The following GNA14 variants were observed in gnomAD, a reference collection of about 807,000 sequenced individuals.
The protein encoded by GNA14 is guanine nucleotide-binding protein subunit alpha-14.
A neutral mutation model predicts 42.0 loss-of-function variants in GNA14; 50 were observed. The observed-to-expected ratio is 1.19, with a 90% CI of 0.95 to 1.51. The LOEUF is 1.51. GNA14 is among the 40% of genes most tolerant of loss of function. The pLI is 0.00. For synonymous variants in GNA14, 173 were observed against 163.1 expected, an observed-to-expected ratio of 1.06 and a Z score of -0.46; for missense variants, 473 against 446.2, an observed-to-expected ratio of 1.06 and a Z score of -0.54.
At chr9:77,640,871 CAAAAAAAAAAAA>C (rs1178043976) in intron 1 of GNA14, among the ~76,000 whole-genome samples, 1 of 27,370 alleles carries the variant, frequency 3.7e-5, no homozygotes, top group Non-Finnish European at 7.6e-5. Flanking sequence ...ATAAAATGCT[CAAAAAAAAAAAA>C]AAAAAAAAAC....
At chr9:77,581,535 A>T (rs1435761602) in intron 1 of GNA14, among the ~76,000 whole-genome samples, 2 of 152,220 alleles carry the variant, frequency 1.3e-5, no homozygotes, top group Non-Finnish European at 2.9e-5. Context: ...CTGGATTCAG[A>T]TCCAAGTCCG....
intron 4 of GNA14, 148 bp downstream of exon 4, chr9:77,431,173 C>A (rs1835545944): frequency 1.5e-6 from 1 of 686,230 alleles, no homozygotes; most frequent in Admixed American, 2.7e-5. Flanking sequence ...TGAGACCTAC[C>A]TACCACAATT....
chr9:77,608,732 G>GGTTTT (rs772823244), intron 1 of GNA14, among the ~76,000 whole-genome samples: 1 of 121,166 alleles, frequency 8.3e-6, no homozygotes, highest in Non-Finnish European at 1.7e-5. Flanking sequence ...CCAATATCCT[G>GGTTTT]TTTTTTTTTT....
chr9:77,606,001 C>T (rs1179153489), intron 1 of GNA14, among the ~76,000 whole-genome samples: 1 of 152,120 alleles, frequency 6.6e-6, no homozygotes, highest in African/African-American at 2.4e-5. Context: ...TCTCCCTTTC[C>T]TGTTAATGGA....
chr9:77,555,553 G>A (rs560224851), intron 1 of GNA14, among the ~76,000 whole-genome samples: 23 of 152,114 alleles, frequency 1.5e-4, no homozygotes, highest in Non-Finnish European at 3.1e-4. Flanking sequence ...TGTCTATCTA[G>A]AGAAAAAGCA....
intron 1 of GNA14, among the ~76,000 whole-genome samples, chr9:77,607,923 A>G (rs901825556): frequency 6.6e-6 from 1 of 152,128 alleles, no homozygotes; most frequent in Non-Finnish European, 1.5e-5. Context: ...TAAAGGCCCC[A>G]TCTCCTAACA....
At chr9:77,560,428 A>T (rs1357153177) in intron 1 of GNA14, among the ~76,000 whole-genome samples, 1 of 151,642 alleles carries the variant, frequency 6.6e-6, no homozygotes, top group Non-Finnish European at 1.5e-5. Flanking sequence ...AGCTGGGACC[A>T]CAGGTGCACG....
At chr9:77,553,161 C>G (rs1053845613) in intron 1 of GNA14, among the ~76,000 whole-genome samples, 5 of 152,162 alleles carry the variant, frequency 3.3e-5, no homozygotes, top group Non-Finnish European at 1.5e-5. Flanking sequence ...AGGGTGAAAT[C>G]TCAATAATTA....
chr9:77,523,661 G>A (rs558090813), intron 2 of GNA14, among the ~76,000 whole-genome samples: 2 of 152,208 alleles, frequency 1.3e-5, no homozygotes, highest in East Asian at 1.9e-4. Flanking sequence ...TTTAAGTCCC[G>A]TGCAAATACA....
At chr9:77,645,826 T>C (rs1488434757) in intron 1 of GNA14, among the ~76,000 whole-genome samples, 1 of 152,178 alleles carries the variant, frequency 6.6e-6, no homozygotes, top group African/African-American at 2.4e-5. Flanking sequence ...CTGTACTTCA[T>C]ACATTGACAC....
At chr9:77,644,437 C>CCAAA (rs778013639) in intron 1 of GNA14, among the ~76,000 whole-genome samples, 3 of 34,012 alleles carry the variant, frequency 8.8e-5, no homozygotes, top group African/African-American at 3.5e-4. Context: ...TAAAGAGTGT[C>CCAAA]AAAAAAAAAA....
intron 2 of GNA14, among the ~76,000 whole-genome samples, chr9:77,497,774 TACTTTATGACCATATG>T (rs1024058286): frequency 1.3e-5 from 2 of 148,572 alleles, no homozygotes; most frequent in Non-Finnish European, 2.9e-5. Context: ...TATACATATG[TACTTTATGACCATATG>T]ACTTTATGAC....
intron 2 of GNA14, among the ~76,000 whole-genome samples, chr9:77,493,026 A>AT (rs1261356124): frequency 6.7e-3 from 347 of 51,540 alleles, no homozygotes; most frequent in Middle Eastern, 0.012. Flanking sequence ...AAAAAAAAAA[A>AT]ATATATATAT....
intron 2 of GNA14, among the ~76,000 whole-genome samples, chr9:77,512,699 A>G (rs1195895020): frequency 6.6e-6 from 1 of 152,210 alleles, no homozygotes; most frequent in Non-Finnish European, 1.5e-5. Context: ...TGCCTGTTAT[A>G]GATTGATAAT....
rs147344852 is a variant in GNA14, at chr9:77,441,899, A to G, written c.310-7377T>C. Among the ~76,000 whole-genome samples, 1,065 of 152,352 alleles carry G rather than the reference A, an allele frequency of 7.0e-3. 14 individuals carry two copies. Among genetic ancestry groups the G allele is most frequent in the African/African-American group, 0.023 (970 of 41,578 alleles). The stretch of plus-strand genomic sequence containing the variant: ...CATCAGCTTTTGAAGCAAAACATGA[A>G]ATCATAAAGAAAATGCTAGTTAACT... On this transcript the variant is annotated intron_variant, in intron 2 of 6. Transcript: ENST00000341700.
intron 2 of GNA14, among the ~76,000 whole-genome samples, chr9:77,455,036 C>T (rs567534329): frequency 6.6e-6 from 1 of 152,174 alleles, no homozygotes; most frequent in African/African-American, 2.4e-5. Context: ...TTCTGTAGGT[C>T]GGAAGTCCAG....
At chr9:77,560,811 T>TAGA (rs1417342717) in intron 1 of GNA14, among the ~76,000 whole-genome samples, 7 of 152,104 alleles carry the variant, frequency 4.6e-5, no homozygotes, top group African/African-American at 1.7e-4. Flanking sequence ...AAATGAGGAG[T>TAGA]TACTTATTTT....
intron 1 of GNA14, among the ~76,000 whole-genome samples, chr9:77,555,452 C>T (rs1333947436): frequency 6.6e-6 from 1 of 152,080 alleles, no homozygotes; most frequent in Non-Finnish European, 1.5e-5. Context: ...TGCAATGAAC[C>T]GAGACTGCAC....
intron 2 of GNA14, among the ~76,000 whole-genome samples, chr9:77,480,222 C>A (rs1171598812): frequency 6.6e-6 from 1 of 152,110 alleles, no homozygotes. Flanking sequence ...TGAGATATGT[C>A]CGATCACAAC....
Sources: gnomAD v4.1 joint callset for allele counts (sites outside exome capture counted in the v4.1 genomes callset) on GRCh38, gnomAD v4.1.1 for gene constraint, MANE v1.5 for transcripts, NCBI Gene and HGNC (gene_info 2026-07-23, HGNC 2026-07-21) for gene names.